The following RNF6 variants were observed in gnomAD, a reference collection of about 807,000 sequenced individuals.
RNF6 encodes ring finger protein 6.
RNF6 carries 21 observed loss-of-function variants against 50.1 expected under a neutral mutation model. The ratio of observed to expected loss-of-function variants is 0.42; its 90% confidence interval spans 0.30 to 0.60. The LOEUF is 0.60. RNF6 is among the 20% of genes least tolerant of loss of function. RNF6 has a pLI of 0.20. For synonymous variants in RNF6, 255 were observed against 291.8 expected, an observed-to-expected ratio of 0.87 and a Z score of 1.29; for missense variants, 698 against 838.2, an observed-to-expected ratio of 0.83 and a Z score of 2.07.
intron 5 of RNF6, among the ~76,000 whole-genome samples, chr13:26,163,434 T>C (rs1872309888): frequency 6.6e-6 from 1 of 152,356 alleles, no homozygotes; most frequent in Non-Finnish European, 1.5e-5. Context: ...CTGTCAATAC[T>C]TCAGAATAAA....
chr13:26,153,602 G>T (rs188477233), intron 5 of RNF6, among the ~76,000 whole-genome samples: 1 of 152,272 alleles, frequency 6.6e-6, no homozygotes, highest in Non-Finnish European at 1.5e-5. Context: ...GGGAGGAGAC[G>T]TATCTGGTTA....
intron 5 of RNF6, among the ~76,000 whole-genome samples, chr13:26,177,809 A>G (rs1330384705): frequency 2.0e-5 from 3 of 152,236 alleles, no homozygotes; most frequent in Non-Finnish European, 4.4e-5. Context: ...CATTGGTGCA[A>G]GAGCCTCCCA....
intron 4 of RNF6, among the ~76,000 whole-genome samples, chr13:26,216,980 A>T (rs1869947082): frequency 6.6e-6 from 1 of 152,078 alleles, no homozygotes. Flanking sequence ...AAATAAATAA[A>T]ATAGCTATTA....
chr13:26,167,958 T>C (rs759822089), intron 5 of RNF6, among the ~76,000 whole-genome samples: 2 of 152,022 alleles, frequency 1.3e-5, no homozygotes, highest in African/African-American at 2.4e-5. Context: ...GATAATCAAA[T>C]ACCACATGTT....
At chr13:26,198,875 C>G (rs2137702246) in intron 5 of RNF6, among the ~76,000 whole-genome samples, 1 of 151,946 alleles carries the variant, frequency 6.6e-6, no homozygotes, top group Non-Finnish European at 1.5e-5. Context: ...GAAAAAATAA[C>G]ATTTACAATA....
intron 5 of RNF6, among the ~76,000 whole-genome samples, chr13:26,203,387 C>T (rs1868969108): frequency 6.6e-6 from 1 of 152,192 alleles, no homozygotes; most frequent in Non-Finnish European, 1.5e-5. Flanking sequence ...AAGGAGGATT[C>T]GGGCTAAGCC....
At chr13:26,203,095 A>G (rs1868956972) in intron 5 of RNF6, among the ~76,000 whole-genome samples, 1 of 152,218 alleles carries the variant, frequency 6.6e-6, no homozygotes, top group African/African-American at 2.4e-5. Flanking sequence ...TTATGTGGCA[A>G]TTTGGGCCAT....
chr13:26,209,814 G>A (rs1869249524), downstream of RNF6, among the ~76,000 whole-genome samples: 1 of 150,642 alleles, frequency 6.6e-6, no homozygotes, highest in Non-Finnish European at 1.5e-5. Context: ...GGGCAGCCAA[G>A]AAGTTACTCC....
intron 5 of RNF6, among the ~76,000 whole-genome samples, chr13:26,147,892 C>T (rs905750944): frequency 2.6e-5 from 4 of 152,124 alleles, no homozygotes; most frequent in Non-Finnish European, 5.9e-5. Flanking sequence ...CACTTTGTCC[C>T]GTGACATTAG....
In RNF6 at chr13:26,215,130, G is replaced by T; in HGVS notation, c.752C>A (p.Ser251Ter). 1 of 1,614,198 alleles carries T rather than the reference G, an allele frequency of 6.2e-7. No homozygotes were observed. Among genetic ancestry groups the T allele is most frequent in the Non-Finnish European group, 8.5e-7 (1 of 1,180,036 alleles). ...GAAGIPRANA[S>*]RTNFSSHTNQ... Reference sequence around the variant, plus strand: ...TGTGTGACTACTGAAATTAGTGCGTGAAGCGTTAGCTCGAGGAATGCCAGC... The same window carrying T: ...TGTGTGACTACTGAAATTAGTGCGTTAAGCGTTAGCTCGAGGAATGCCAGC... Residue 251 changes from serine to a stop codon, truncating the protein, a stop_gained, in exon 5 of 5, where the codon TCA (serine) becomes TAA (stop). Transcript: ENST00000381588. LOFTEE classifies it high-confidence loss of function.
intron 5 of RNF6, among the ~76,000 whole-genome samples, chr13:26,177,663 C>T (rs1040165273): frequency 1.3e-5 from 2 of 152,186 alleles, no homozygotes; most frequent in African/African-American, 2.4e-5. Flanking sequence ...TCCTCTTGTT[C>T]TAGCCAGAAA....
intron 5 of RNF6, among the ~76,000 whole-genome samples, chr13:26,166,550 T>C (rs534027095): frequency 1.5e-4 from 23 of 152,268 alleles, no homozygotes; most frequent in Admixed American, 5.9e-4. Context: ...AGCATTCCTA[T>C]ACACCAACAA....
intron 5 of RNF6, among the ~76,000 whole-genome samples, chr13:26,139,321 C>T (rs116156635): frequency 0.011 from 1,630 of 152,266 alleles, 30 homozygotes; most frequent in African/African-American, 0.036. Context: ...GTTTCCTCTG[C>T]CCTGCCTTGC....
At chr13:26,140,047 T>C (rs549206444) in intron 5 of RNF6, among the ~76,000 whole-genome samples, 3 of 152,308 alleles carry the variant, frequency 2.0e-5, no homozygotes, top group South Asian at 2.1e-4. Flanking sequence ...TAACTGACTT[T>C]GCAAAATATG....
At chr13:26,140,829 G>C (rs893592858) in intron 5 of RNF6, among the ~76,000 whole-genome samples, 1 of 152,060 alleles carries the variant, frequency 6.6e-6, no homozygotes, top group Non-Finnish European at 1.5e-5. Context: ...CATCTGCATA[G>C]AACAATAATG....
intron 5 of RNF6, among the ~76,000 whole-genome samples, chr13:26,157,044 G>A (rs1871964131): frequency 6.6e-6 from 1 of 152,134 alleles, no homozygotes; most frequent in Non-Finnish European, 1.5e-5. Context: ...CTAGGGTTGG[G>A]GTGTTGAGGG....
rs572631177 is a variant in RNF6, at chr13:26,197,983, A to G, written n.768+17491T>C. Among the ~76,000 whole-genome samples, 11 of 152,040 alleles carry G rather than the reference A, an allele frequency of 7.2e-5. No homozygotes were observed. In the East Asian group the frequency reaches 2.1e-3, roughly 29 times the overall value. ...TAGGTGAAAGAGGAAATCATAAGAT[A>G]ATTAGAAAATGTTTTGAATTGAATA... On this transcript the variant is annotated intron_variant and non_coding_transcript_variant, in intron 5 of 5. Transcript: ENST00000468480.
intron 5 of RNF6, among the ~76,000 whole-genome samples, chr13:26,174,831 C>T (rs1872874513): frequency 6.6e-6 from 1 of 152,134 alleles, no homozygotes; most frequent in African/African-American, 2.4e-5. Flanking sequence ...CTCCCCTCCA[C>T]ACCGTGCTTC....
intron 5 of RNF6, among the ~76,000 whole-genome samples, chr13:26,187,238 T>C (rs1873596421): frequency 1.4e-5 from 2 of 147,006 alleles, no homozygotes; most frequent in Admixed American, 6.8e-5. Flanking sequence ...CGTCCTAGCC[T>C]TCGGACCGGG....
Sources: allele counts gnomAD v4.1 joint callset (sites outside exome capture counted in the v4.1 genomes callset), GRCh38; gene constraint gnomAD v4.1.1; transcripts MANE v1.5; gene names NCBI Gene and HGNC (gene_info 2026-07-23, HGNC 2026-07-21).